Variants in ZNF24 observed in about 807,000 individuals in gnomAD.
ZNF24 encodes the protein retinoic acid suppression protein A.
Under a neutral mutation model 40.9 loss-of-function variants are expected in ZNF24, and 11 were observed. That is an observed-to-expected ratio of 0.27 (90% CI 0.17 to 0.45). ZNF24 has a LOEUF of 0.45. ZNF24 is among the 20% of genes least tolerant of loss of function. The pLI, the probability that ZNF24 is intolerant of heterozygous loss-of-function variation, is 1.00. For missense variants in ZNF24, 293 were observed against 437.7 expected, an observed-to-expected ratio of 0.67 and a Z score of 2.95; for synonymous variants, 139 against 154.7, an observed-to-expected ratio of 0.90 and a Z score of 0.75.
chr18:35,339,174 T>C, intron 3 of ZNF24: 3 of 811,598 alleles, frequency 3.7e-6, no homozygotes, highest in African/African-American at 3.4e-5. Flanking sequence ...AGGATACACA[T>C]AAGTATATGG....
intron 1 of ZNF24, among the ~76,000 whole-genome samples, chr18:35,342,280 T>C (rs1185203634): frequency 3.3e-5 from 5 of 152,048 alleles, no homozygotes; most frequent in Admixed American, 1.3e-4. Flanking sequence ...TTAAGTGAAG[T>C]GTTATCACAA....
At position 35,333,784 on chromosome 18, in the gene ZNF24, C is replaced by G. The variant is rs1050189; in HGVS notation, c.*3448G>C. ...TATTCATCCTACAGAAATACCCACA[C>G]AAGTAGCAAAATACATGTACAGGAA... On this transcript the variant is annotated 3_prime_UTR_variant, in exon 4 of 4. Coordinates refer to ENST00000261332, the MANE Select transcript of ZNF24 (RefSeq NM_006965.4). The G allele has an allele frequency of 5.3e-5, 8 of 152,204 alleles. 1 individual carries two copies. 9.4% of individuals were successfully genotyped at this position (152,204 alleles called of 1,614,324 possible).
At position 35,338,854 on chromosome 18, in the gene ZNF24, T is replaced by G. The variant is rs1002852347; in HGVS notation, c.568+975A>C. ...ACTCTAAAATTCAGATGATGAGAAG[T>G]TGAAAATATCAGCCCCATATATCAA... is the stretch of plus-strand genomic sequence containing the variant. On this transcript the variant is annotated intron_variant, in intron 3 of 3. Transcript: ENST00000261332. 32 of 1,340,010 alleles carry G rather than the reference T, an allele frequency of 2.4e-5. No individual in the cohort carries two copies. In the African/African-American group the frequency reaches 4.5e-4, roughly 19 times the overall value. The allele number at this position is 1,340,010 out of a possible 1,614,324, so 83.0% of individuals were successfully genotyped here. A position where few individuals can be genotyped will look rare whatever the true frequency, so the allele number is the denominator to read the frequency against.
At position 35,340,697 on chromosome 18, in the gene ZNF24, G is replaced by A; in HGVS notation, c.-47C>T. On this transcript the variant is annotated 5_prime_UTR_variant, in exon 2 of 4. Coordinates refer to ENST00000261332, the MANE Select transcript of ZNF24 (RefSeq NM_006965.4). The surrounding 1 kb of genome is among the most constrained non-coding windows in gnomAD (Gnocchi z 4.6). ...AAAAGACAACTGAGGCAGAATATAA[G>A]CCTCAGGGCAATACCCCGTTTTCTT... The A allele has an allele frequency of 3.2e-6, 5 of 1,565,678 alleles. No individual in the cohort carries two copies. The highest frequency in any genetic ancestry group is 4.3e-6 in the Non-Finnish European group (5 of 1,156,108).
chr18:35,341,759 C>T (rs889316734), intron 1 of ZNF24, among the ~76,000 whole-genome samples: 77 of 152,330 alleles, frequency 5.1e-4, no homozygotes, highest in African/African-American at 1.8e-3. Context: ...TGGTTCACAC[C>T]TGTAATCCCA....
rs1436067870 is a variant in ZNF24 at position 35,333,245 on chromosome 18, C to G, written c.*3987G>C. 1 of 152,106 alleles carries G rather than the reference C, an allele frequency of 6.6e-6. No individual in the cohort carries two copies. Among genetic ancestry groups the G allele is most frequent in the East Asian group, 1.9e-4 (1 of 5,198 alleles). 9.4% of individuals were successfully genotyped at this position (152,106 alleles called of 1,614,324 possible). On this transcript the variant is annotated 3_prime_UTR_variant, in exon 4 of 4. Coordinates refer to ENST00000261332, the MANE Select transcript of ZNF24 (RefSeq NM_006965.4). The stretch of plus-strand genomic sequence containing the variant: ...TTCATAGTATTTAATCATATTCAAC[C>G]ATTAAAGAAATTTAAAGACCTGTTA...
Position 35,337,488 on chromosome 18 carries a change from C to T in ZNF24, c.851G>A (p.Cys284Tyr). The T allele has an allele frequency of 6.2e-7, 1 of 1,613,902 alleles. No homozygotes were observed. Among genetic ancestry groups the T allele is most frequent in the Non-Finnish European group, 8.5e-7 (1 of 1,179,748 alleles). Residue 284 changes from cysteine (C) to tyrosine (Y), a missense_variant, in exon 4 of 4, where the codon TGT becomes TAT. Cys to Tyr is a radical substitution (Grantham distance 194). Around this residue, in one of 2 missense-constraint regions of ZNF24, gnomAD observed 59 missense variants for 138.6 expected, o/e 0.43. Transcript: ENST00000261332. ...SGEKPYGCVE[C>Y]GKAFSRSSIL... ...GGAACTTCGGCTGAATGCTTTCCCA[C>T]ACTCAACACATCCATAAGGTTTCTC...
Position 35,334,715 on chromosome 18 carries a change from TA to T in ZNF24, c.*2516del, listed in dbSNP as rs1455633617. 2.0e-5 allele frequency: 3 copies of T among 152,368 alleles called. No individual in the cohort carries two copies. The East Asian group carries it at 5.8e-4, about 29-fold the overall frequency. The allele number at this position is 152,368 out of a possible 1,614,324, so 9.4% of individuals were successfully genotyped here. The stretch of plus-strand genomic sequence containing the variant: ...AGGCACTCCCCCAAATTTCTATGAT[TA>T]TCTGTGTGGGTAATGAATGTGTGGA... On this transcript the variant is annotated 3_prime_UTR_variant, in exon 4 of 4. Coordinates refer to ENST00000261332, the MANE Select transcript of ZNF24 (RefSeq NM_006965.4).
rs1318589802 is a variant in ZNF24 at position 35,333,203 on chromosome 18, GAATA to G, written c.*4025_*4028del. 11 of 151,952 alleles carry G rather than the reference GAATA, an allele frequency of 7.2e-5. No homozygotes were observed. The highest frequency in any genetic ancestry group is 2.2e-4 in the African/African-American group (9 of 41,354). 9.4% of individuals were successfully genotyped at this position (151,952 alleles called of 1,614,324 possible). On this transcript the variant is annotated 3_prime_UTR_variant, in exon 4 of 4. Coordinates refer to ENST00000261332, the MANE Select transcript of ZNF24 (RefSeq NM_006965.4). ...AATAGCGAGAGGAAAAAAATTAAGG[GAATA>G]AATAATGGCATTTTCATAGTATTTA...
Position 35,340,541 on chromosome 18 carries a change from C to T in ZNF24, c.110G>A (p.Gly37Glu), listed in dbSNP as rs576230662. The change falls in exon 2 of 4, where the codon GGA becomes GAA. Residue 37 changes from glycine to glutamate, a missense_variant. By Grantham distance (98) the Gly-to-Glu change is moderately conservative. Around this residue, in one of 2 missense-constraint regions of ZNF24, gnomAD observed 234 missense variants for 299.2 expected, o/e 0.78. Coordinates refer to ENST00000261332, the MANE Select transcript of ZNF24 (RefSeq NM_006965.4). The surrounding 1 kb of genome is among the most constrained non-coding windows in gnomAD (Gnocchi z 4.6). The part of the protein sequence containing the change: ...KLEEDPDGEE[G>E]SSIPWNHLPD... The stretch of plus-strand genomic sequence containing the variant: ...GAGATGGTTCCAGGGGATACTTGAT[C>T]CCTCTTCGCCATCAGGATCCTCCTC... 1.2e-6 allele frequency: 2 copies of T among 1,614,194 alleles called. No individual in the cohort carries two copies. The highest frequency in any genetic ancestry group is 1.1e-5 in the South Asian group (1 of 91,086).
chr18:35,343,364 TCA>T (rs1362405446), intron 1 of ZNF24, among the ~76,000 whole-genome samples: 2 of 152,206 alleles, frequency 1.3e-5, no homozygotes, highest in South Asian at 2.1e-4. Flanking sequence ...ACTGGAGGAC[TCA>T]CAGTTTCCCC....
chr18:35,339,118 T>A, intron 3 of ZNF24: 1 of 1,410,204 alleles, frequency 7.1e-7, no homozygotes, highest in Non-Finnish European at 9.7e-7. Flanking sequence ...CACATAAACA[T>A]GAGAAAGCAA....
chr18:35,335,838 C>G lies in ZNF24; in HGVS notation c.*1394G>C, dbSNP rs2044902085. The G allele has an allele frequency of 6.6e-6, 1 of 152,074 alleles. No homozygotes were observed. The highest frequency in any genetic ancestry group is 2.4e-5 in the African/African-American group (1 of 41,404). The allele number at this position is 152,074 out of a possible 1,614,324, so 9.4% of individuals were successfully genotyped here. On this transcript the variant is annotated 3_prime_UTR_variant, in exon 4 of 4. Coordinates refer to ENST00000261332, the MANE Select transcript of ZNF24 (RefSeq NM_006965.4). ...CTAGTTGTTTATTTTTTAAATAGAACAGTCCATTCAACTTAATATGTAGGT... is the reference window on the plus strand; with the variant it reads ...CTAGTTGTTTATTTTTTAAATAGAAGAGTCCATTCAACTTAATATGTAGGT...
chr18:35,338,872 T>A, intron 3 of ZNF24: 1 of 1,369,818 alleles, frequency 7.3e-7, no homozygotes, highest in Non-Finnish European at 9.4e-7. Flanking sequence ...ATCAGCCCCA[T>A]ATATCAAGAA....
At chr18:35,338,391 G>A in intron 3 of ZNF24, 1 of 985,356 alleles carries the variant, frequency 1.0e-6, no homozygotes, top group Non-Finnish European at 1.2e-6. Flanking sequence ...TCCAATAAAA[G>A]CAGCTTCTCC....
Position 35,340,626 on chromosome 18 carries a change from C to T in ZNF24, c.25G>A (p.Asp9Asn), listed in dbSNP as rs768434014. The T allele has an allele frequency of 1.2e-6, 2 of 1,613,546 alleles. No homozygotes were observed. The highest frequency in any genetic ancestry group is 1.7e-6 in the Non-Finnish European group (2 of 1,180,024). MSAQSVEEDSILIIPTPDE... is the reference protein window; with the variant it reads MSAQSVEENSILIIPTPDE... ...GGAGTTGGGATGATAAGTATTGAAT[C>T]TTCTTCCACTGACTGTGCAGACATT... Residue 9 changes from aspartate (D) to asparagine (N), a missense_variant, in exon 2 of 4, where the codon GAT (aspartate) becomes AAT (asparagine). Coordinates refer to ENST00000261332, the MANE Select transcript of ZNF24 (RefSeq NM_006965.4). This position sits in a 1 kb window ranked among gnomAD's most constrained non-coding sequence, Gnocchi z 4.6.
At chr18:35,339,763 A>G in intron 3 of ZNF24, 66 bp downstream of exon 3, 2 of 1,413,244 alleles carry the variant, frequency 1.4e-6, no homozygotes, top group Non-Finnish European at 9.4e-7. Flanking sequence ...GAGAACAAGC[A>G]AAGTTCTGAA....
chr18:35,340,758 T>C lies in ZNF24; in HGVS notation c.-83-25A>G, dbSNP rs1477511189. 5 of 961,456 alleles carry C rather than the reference T, an allele frequency of 5.2e-6. No homozygotes were observed. Among genetic ancestry groups the C allele is most frequent in the Admixed American group, 2.9e-5 (1 of 34,226 alleles). The allele number at this position is 961,456 out of a possible 1,614,324, so 59.6% of individuals were successfully genotyped here. On this transcript the variant is annotated intron_variant, in intron 1 of 3. Coordinates refer to ENST00000261332, the MANE Select transcript of ZNF24 (RefSeq NM_006965.4). The surrounding 1 kb of genome is among the most constrained non-coding windows in gnomAD (Gnocchi z 4.6). ...CCTGAGGCATAAGAAATAAAAGATA[T>C]ATAAATAAGCAAAAATATCCTAAGA...
chr18:35,337,827 TA>T (rs869251561), intron 3 of ZNF24, 57 bp from the exon 4 acceptor site: 242 of 1,459,862 alleles, frequency 1.7e-4, no homozygotes, highest in South Asian at 5.2e-4. Context: ...AAAAGAAACC[TA>T]AAAAAAATTT....
Sources: gnomAD v4.1 joint callset for allele counts (sites outside exome capture counted in the v4.1 genomes callset) on GRCh38, gnomAD v4.1.1 for gene constraint, gnomAD v4.1.1 regional missense constraint, Gnocchi (gnomAD v3.1) non-coding constraint, MANE v1.5 for transcripts, NCBI Gene and HGNC (gene_info 2026-07-23, HGNC 2026-07-21) for gene names.